Variants in HUWE1 observed in about 807,000 individuals in gnomAD.
HUWE1 encodes HECT, UBA and WWE domain containing E3 ubiquitin protein ligase 1.
A neutral mutation model predicts 299.4 loss-of-function variants in HUWE1; 18 were observed. The observed-to-expected ratio is 0.06, with a 90% CI of 0.04 to 0.09. The LOEUF is 0.09. Among genes scored for constraint, HUWE1 ranks in the 10% least tolerant of loss-of-function variants. HUWE1 has a pLI of 1.00. For missense variants in HUWE1, 1,832 were observed against 3,462.3 expected (o/e 0.53, Z 11.82); for synonymous variants, 1,317 against 1,286.1 (o/e 1.02, Z -0.51).
intron 2 of HUWE1, among the ~76,000 whole-genome samples, chrX:53,683,224 C>T (rs782502583): frequency 9.0e-6 from 1 of 110,950 alleles, no homozygotes; most frequent in Non-Finnish European, 1.9e-5. Context: ...AAATACCAGC[C>T]TCAACTATCC....
Position 53,575,199 on chromosome X carries a change from C to A in HUWE1, c.6053G>T (p.Gly2018Val), listed in dbSNP as rs782362235. The change falls in exon 46 of 84, where the codon GGT (glycine) becomes GTT (valine). Residue 2018 changes from glycine to valine, a missense_variant. Gly to Val is a moderately radical substitution (Grantham distance 109). This residue lies in a region of HUWE1 where 157 missense variants were observed against 252.3 expected (regional missense o/e 0.62). Transcript: ENST00000262854. ...SINSQVFAAD[G>V]ASTETSASGT... The stretch of plus-strand genomic sequence containing the variant: ...AGATGCGGAAGTCTCAGTGGAGGCA[C>A]CATCTGCAGCAAAGACCTGACTCTG... 1 of 1,204,848 alleles carries A rather than the reference C, an allele frequency of 8.3e-7. No homozygotes were observed. Among genetic ancestry groups the A allele is most frequent in the East Asian group, 3.0e-5 (1 of 33,836 alleles).
chrX:53,563,905 C>T, intron 51 of HUWE1, 84 bp from the exon 52 acceptor site: 1 of 993,907 alleles, frequency 1.0e-6, no homozygotes, highest in Non-Finnish European at 1.4e-6. Context: ...GCCAGCAAAG[C>T]AGCATACATT....
intron 23 of HUWE1, among the ~76,000 whole-genome samples, chrX:53,614,297 A>AT (rs1405289278): frequency 3.6e-5 from 4 of 111,400 alleles, no homozygotes; most frequent in African/African-American, 9.8e-5. Context: ...AAATTAATTA[A>AT]TTTTTTTAAA....
intron 26 of HUWE1, among the ~76,000 whole-genome samples, 172 bp downstream of exon 26, chrX:53,604,417 A>G (rs1556994622): frequency 8.9e-6 from 1 of 111,874 alleles, no homozygotes; most frequent in African/African-American, 3.3e-5. Context: ...ATAATAAGTT[A>G]TATAGTCACT....
chrX:53,569,529 T>G (rs989490112), intron 48 of HUWE1, 87 bp downstream of exon 48: 1 of 871,911 alleles, frequency 1.1e-6, no homozygotes, highest in Admixed American at 2.2e-5. Context: ...CAAGAAGTTT[T>G]GTTCAAGTGC....
intron 7 of HUWE1, among the ~76,000 whole-genome samples, chrX:53,640,585 C>T (rs935883024): frequency 8.9e-6 from 1 of 111,751 alleles, no homozygotes; most frequent in Non-Finnish European, 1.9e-5. Flanking sequence ...CTGCAATGTA[C>T]TGCACCTGTC....
intron 60 of HUWE1, among the ~76,000 whole-genome samples, chrX:53,555,619 G>A (rs1386903316): frequency 1.9e-5 from 2 of 104,375 alleles, no homozygotes; most frequent in African/African-American, 3.5e-5. Context: ...GAGCCACTGC[G>A]TCCAGCCCTT....
Position 53,549,152 on chromosome X carries a change from T to C in HUWE1, c.9842A>G (p.Asn3281Ser). ...GGATACTGAGAGCCAGGAAAGCTGGTTGGAGCTCTTTGACTCCATCTTGTG... is the reference window on the plus strand; with the variant it reads ...GGATACTGAGAGCCAGGAAAGCTGGCTGGAGCTCTTTGACTCCATCTTGTG... ...LLHKMESKSS[N>S]QLSWLSVSMD... Residue 3281 changes from asparagine (N) to serine (S), a missense_variant, in exon 67 of 84, where the codon AAC becomes AGC. This residue lies in a region of HUWE1 where 80 missense variants were observed against 142.1 expected (regional missense o/e 0.56). Transcript: ENST00000262854. 1 of 1,212,120 alleles carries C rather than the reference T, an allele frequency of 8.3e-7. No homozygotes were observed. Among genetic ancestry groups the C allele is most frequent in the Non-Finnish European group, 1.1e-6 (1 of 895,480 alleles).
intron 49 of HUWE1, among the ~76,000 whole-genome samples, chrX:53,567,461 C>T (rs1192498563): frequency 5.4e-5 from 6 of 111,197 alleles, no homozygotes; most frequent in East Asian, 2.8e-4. Flanking sequence ...CATGAAAAGT[C>T]GAGTCCATAA....
At chrX:53,577,288 G>C (rs1556959738) in intron 43 of HUWE1, among the ~76,000 whole-genome samples, 1 of 109,929 alleles carries the variant, frequency 9.1e-6, no homozygotes, top group Non-Finnish European at 1.9e-5. Flanking sequence ...GCTTGAGTTA[G>C]AGAAAACTGG....
rs1417760634 is a variant in HUWE1 at position 53,535,157 on chromosome X, A to C, written c.12649+227T>G. Among the ~76,000 whole-genome samples, 10 of 108,149 alleles carry C rather than the reference A, an allele frequency of 9.2e-5. No homozygotes were observed. The East Asian group carries it at 2.7e-3, about 29-fold the overall frequency. The allele number at this position is 108,149 out of a possible 115,157, so 93.9% of individuals were successfully genotyped here. A position where few individuals can be genotyped will look rare whatever the true frequency, so the allele number is the denominator to read the frequency against. On this transcript the variant is annotated intron_variant, in intron 81 of 83. Coordinates refer to ENST00000262854, the MANE Select transcript of HUWE1 (RefSeq NM_031407.7). ...ACCATGTTGGCCAGGCTGGTCTCAA[A>C]CTCCTCACCTCAACTGATCCGCCCA...
chrX:53,588,601 T>A, intron 36 of HUWE1, 67 bp from the exon 37 acceptor site: 1 of 1,061,159 alleles, frequency 9.4e-7, no homozygotes, highest in Non-Finnish European at 1.3e-6. Context: ...GAAAATATTC[T>A]CAACCTTTTA....
At chrX:53,611,173 T>C (rs1378066065) in intron 23 of HUWE1, among the ~76,000 whole-genome samples, 1 of 92,243 alleles carries the variant, frequency 1.1e-5, no homozygotes, top group Admixed American at 1.3e-4. Context: ...TTGCAAATAC[T>C]AGCTGCTGAT....
At chrX:53,622,577 C>G (rs1238041214) in intron 19 of HUWE1, among the ~76,000 whole-genome samples, 1 of 111,057 alleles carries the variant, frequency 9.0e-6, no homozygotes, top group Non-Finnish European at 1.9e-5. Context: ...TGTTGTAACT[C>G]CTGACAGACC....
At chrX:53,628,010 A>G in intron 15 of HUWE1, 131 bp from the exon 16 acceptor site, 1 of 569,085 alleles carries the variant, frequency 1.8e-6, no homozygotes, top group South Asian at 2.7e-5. Context: ...CATGTGTTTT[A>G]TTTTTGGTGC....
At chrX:53,661,034 CTTT>C (rs200048431) in intron 3 of HUWE1, among the ~76,000 whole-genome samples, 2 of 96,881 alleles carry the variant, frequency 2.1e-5, no homozygotes, top group Admixed American at 1.1e-4. Context: ...ATGCGATTCA[CTTT>C]TTTTTTTTTT....
intron 22 of HUWE1, 74 bp from the exon 23 acceptor site, chrX:53,614,819 G>A: frequency 2.8e-6 from 2 of 713,810 alleles, no homozygotes; most frequent in Non-Finnish European, 4.3e-6. Context: ...AACATATTTA[G>A]AGCGTTTTCT....
chrX:53,593,729 A>T (rs782805303), intron 31 of HUWE1, 128 bp from the exon 32 acceptor site: 14 of 509,541 alleles, frequency 2.7e-5, no homozygotes, highest in Non-Finnish European at 4.8e-5. Flanking sequence ...TATTACGTCT[A>T]ATCTGTCCAA....
At chrX:53,656,079 A>C (rs2068730457) in intron 3 of HUWE1, among the ~76,000 whole-genome samples, 1 of 107,431 alleles carries the variant, frequency 9.3e-6, no homozygotes, top group African/African-American at 3.4e-5. Flanking sequence ...ACTCCATCTT[A>C]AAAAAACAAA....
Sources: allele counts gnomAD v4.1 joint callset (sites outside exome capture counted in the v4.1 genomes callset), GRCh38; gene constraint gnomAD v4.1.1; regional missense constraint gnomAD v4.1.1; transcripts MANE v1.5; gene names NCBI Gene and HGNC (gene_info 2026-07-23, HGNC 2026-07-21).